SRP72: variants seen among roughly 807,000 people sequenced by gnomAD.
SRP72 encodes the protein signal recognition particle 72.
A neutral mutation model predicts 96.3 loss-of-function variants in SRP72; 49 were observed. The observed-to-expected ratio is 0.51, with a 90% CI of 0.40 to 0.65. The LOEUF is 0.65. Among genes scored for constraint, SRP72 ranks in the 30% least tolerant of loss-of-function variants. SRP72 has a pLI of 0.00. For synonymous variants in SRP72, 267 were observed against 275.2 expected (o/e 0.97, Z 0.30); for missense variants, 736 against 793.3 (o/e 0.93, Z 0.87).
chr4:56,476,461 A>G, intron 5 of SRP72: 3 of 557,538 alleles, frequency 5.4e-6, no homozygotes, highest in Non-Finnish European at 9.3e-6. Flanking sequence ...AGACACAACA[A>G]ATGAAAGCAA....
intron 6 of SRP72, 73 bp downstream of exon 6, chr4:56,476,775 C>T (rs1326273231): frequency 1.3e-6 from 2 of 1,499,262 alleles, no homozygotes; most frequent in Non-Finnish European, 1.8e-6. Context: ...CTTCATTGTA[C>T]TATTTATTGA....
intron 3 of SRP72, 29 bp downstream of exon 3, chr4:56,471,872 C>CA (rs1719993342): frequency 6.2e-7 from 1 of 1,611,704 alleles, no homozygotes; most frequent in Admixed American, 1.7e-5. Flanking sequence ...TACATGTTGA[C>CA]AGTGATACTG....
Position 56,503,626 on chromosome 4 carries a change from T to C in SRP72, c.*1765T>C, listed in dbSNP as rs1721341476. 1 of 152,248 alleles carries C rather than the reference T, an allele frequency of 6.6e-6. No individual in the cohort carries two copies. Among genetic ancestry groups the C allele is most frequent in the African/African-American group, 2.4e-5 (1 of 41,472 alleles). 9.4% of individuals were successfully genotyped at this position (152,248 alleles called of 1,614,324 possible). On this transcript the variant is annotated 3_prime_UTR_variant, in exon 19 of 19. Transcript: ENST00000642900. ...GTACATTTATAAGAACCAGTATGGATACATCCATTCACTGTGGTACATTTT... is the reference window on the plus strand; with the variant it reads ...GTACATTTATAAGAACCAGTATGGACACATCCATTCACTGTGGTACATTTT...
At position 56,483,234 on chromosome 4, in the gene SRP72, A is replaced by T. The variant is rs139159636; in HGVS notation, c.921A>T (p.Glu307Asp). 19 of 1,612,984 alleles carry T rather than the reference A, an allele frequency of 1.2e-5. No homozygotes were observed. Among genetic ancestry groups the T allele is most frequent in the Non-Finnish European group, 1.6e-5 (19 of 1,179,786 alleles). ...KLSKKQLQAI[E>D]FNKALLAMYT... ...CCAAGAAACAACTACAAGCTATAGAATTTAACAAAGCTTTACTTGCTATGT... is the reference window on the plus strand; with the variant it reads ...CCAAGAAACAACTACAAGCTATAGATTTTAACAAAGCTTTACTTGCTATGT... Residue 307 changes from glutamate (E) to aspartate (D), a missense_variant, in exon 9 of 19, where the codon GAA becomes GAT. Physicochemically the swap from Glu to Asp is conservative, Grantham distance 45. Around this residue, in one of 3 missense-constraint regions of SRP72, gnomAD observed 388 missense variants for 431.8 expected, o/e 0.90. Coordinates refer to ENST00000642900, the MANE Select transcript of SRP72 (RefSeq NM_006947.4).
chr4:56,500,471 C>T (rs1309057546), intron 17 of SRP72, 65 bp from the exon 18 acceptor site: 6 of 1,505,278 alleles, frequency 4.0e-6, no homozygotes, highest in African/African-American at 2.8e-5. Flanking sequence ...TTAGAGACAT[C>T]GTTTAAACAA....
chr4:56,470,607 G>A (rs186112840), intron 2 of SRP72, among the ~76,000 whole-genome samples: 1 of 151,912 alleles, frequency 6.6e-6, no homozygotes, highest in East Asian at 1.9e-4. Context: ...TGGGAATAAA[G>A]CCTCTTAGTG....
At chr4:56,493,365 AG>A (rs1392436680) in intron 16 of SRP72, among the ~76,000 whole-genome samples, 4 of 152,162 alleles carry the variant, frequency 2.6e-5, no homozygotes, top group Non-Finnish European at 5.9e-5. Flanking sequence ...ACAATCATTA[AG>A]ATATACATTG....
chr4:56,486,567 G>A (rs1720718369), intron 11 of SRP72, among the ~76,000 whole-genome samples, 170 bp downstream of exon 11: 1 of 152,168 alleles, frequency 6.6e-6, no homozygotes, highest in Non-Finnish European at 1.5e-5. Context: ...TTAGTAGTGA[G>A]GTAGTTGCCC....
intron 16 of SRP72, among the ~76,000 whole-genome samples, chr4:56,493,939 G>A (rs57439970): frequency 0.026 from 4,010 of 152,300 alleles, 150 homozygotes; most frequent in East Asian, 0.19. Context: ...CACCTGTTGT[G>A]ATTGTACAGG....
chr4:56,473,938 G>A, intron 3 of SRP72, 116 bp from the exon 4 acceptor site: 2 of 945,660 alleles, frequency 2.1e-6, no homozygotes, highest in African/African-American at 1.7e-5. Flanking sequence ...ACAGTTGATT[G>A]TTCATGTTAT....
rs753591554 is a variant in SRP72, at chr4:56,486,280, T to C, written c.1087-45T>C. 4 of 1,408,616 alleles carry C rather than the reference T, an allele frequency of 2.8e-6. No homozygotes were observed. In the African/African-American group the frequency reaches 4.3e-5, roughly 15 times the overall value. The allele number at this position is 1,408,616 out of a possible 1,614,324, so 87.3% of individuals were successfully genotyped here. On this transcript the variant is annotated intron_variant, in intron 10 of 18. Coordinates refer to ENST00000642900, the MANE Select transcript of SRP72 (RefSeq NM_006947.4). ...TAATTGTAATGTATACAATTAGTTG[T>C]GTAAATTAAATGTGATTTTTTTCCC...
chr4:56,490,175 A>G (rs542141734), intron 13 of SRP72, among the ~76,000 whole-genome samples, 158 bp from the exon 14 acceptor site: 2 of 152,344 alleles, frequency 1.3e-5, no homozygotes, highest in Admixed American at 6.5e-5. Flanking sequence ...GCTTTCCTCT[A>G]CATGTGTGGA....
rs112496764 is a variant in SRP72 at position 56,469,687 on chromosome 4, G to A, written c.144G>A (p.Leu48=). 6.2e-7 allele frequency: 1 copy of A among 1,611,564 alleles called. No homozygotes were observed. The highest frequency in any genetic ancestry group is 2.2e-5 in the East Asian group (1 of 44,790). ...TCAACAAAGATGACGTAACTGCCCT[G>A]CATTGTAAAGTGGTATGCCTTATCC... ...LQINKDDVTA[L]HCKVVCLIQN... Residue 48 remains leucine (L), a synonymous_variant, in exon 2 of 19, where the codon CTG becomes CTA. Transcript: ENST00000642900.
chr4:56,501,644 T>C (rs1721265497), intron 18 of SRP72, 40 bp from the exon 19 acceptor site: 1 of 1,576,198 alleles, frequency 6.3e-7, no homozygotes, highest in Non-Finnish European at 8.6e-7. Context: ...TCTTCCTTCG[T>C]TGAATATATG....
chr4:56,498,245 C>A (rs1052875814), intron 17 of SRP72, among the ~76,000 whole-genome samples: 3 of 151,996 alleles, frequency 2.0e-5, no homozygotes, highest in African/African-American at 7.3e-5. Context: ...TAAAAACTCT[C>A]AATAAACTAC....
chr4:56,497,346 A>G (rs549830281), intron 17 of SRP72, among the ~76,000 whole-genome samples: 8 of 151,664 alleles, frequency 5.3e-5, no homozygotes, highest in African/African-American at 1.7e-4. Context: ...CAGCCTCCCA[A>G]GTAGCTGGGA....
chr4:56,477,610 A>G (rs958369598), intron 6 of SRP72, among the ~76,000 whole-genome samples: 5 of 152,042 alleles, frequency 3.3e-5, no homozygotes, highest in African/African-American at 1.2e-4. Flanking sequence ...CTTCTCTTTA[A>G]TATTTTTAAG....
At position 56,502,132 on chromosome 4, in the gene SRP72, G is replaced by A. The variant is rs539700329; in HGVS notation, c.*271G>A. On this transcript the variant is annotated 3_prime_UTR_variant, in exon 19 of 19. Coordinates refer to ENST00000642900, the MANE Select transcript of SRP72 (RefSeq NM_006947.4). ...TATCTGTTGTATCCTTTATCTGTGT[G>A]TGCTGATTTGATCTTTTTTCAGTTT... 1 of 337,678 alleles carries A rather than the reference G, an allele frequency of 3.0e-6. No homozygotes were observed. The highest frequency in any genetic ancestry group is 3.3e-5 in the South Asian group (1 of 30,178). 20.9% of individuals were successfully genotyped at this position (337,678 alleles called of 1,614,324 possible).
intron 17 of SRP72, among the ~76,000 whole-genome samples, chr4:56,498,990 G>A (rs771580228): frequency 9.2e-5 from 14 of 152,178 alleles, no homozygotes; most frequent in East Asian, 3.9e-4. Context: ...AAAGCTGGAC[G>A]CATCATGCTA....
Sources: allele counts gnomAD v4.1 joint callset (sites outside exome capture counted in the v4.1 genomes callset), GRCh38; gene constraint gnomAD v4.1.1; regional missense constraint gnomAD v4.1.1; transcripts MANE v1.5; gene names NCBI Gene and HGNC (gene_info 2026-07-23, HGNC 2026-07-21).